C1orf141: variants seen among roughly 807,000 people sequenced by gnomAD.
C1orf141 encodes the protein uncharacterized protein C1orf141.
In C1orf141, 19 loss-of-function variants were observed where a neutral mutation model predicts 23.2. The observed-to-expected ratio is 0.82, with a 90% CI of 0.57 to 1.20. The LOEUF (loss-of-function observed/expected upper bound fraction) is 1.20. Among genes scored for constraint, C1orf141 ranks in the 50% most tolerant of loss-of-function variants. C1orf141 has a pLI of 0.00. For missense variants in C1orf141, 469 were observed against 455.1 expected, an observed-to-expected ratio of 1.03 and a Z score of -0.28; for synonymous variants, 153 against 154.6, an observed-to-expected ratio of 0.99 and a Z score of 0.08.
At chr1:67,120,596 A>G (rs1646278858) in intron 4 of C1orf141, among the ~76,000 whole-genome samples, 1 of 151,920 alleles carries the variant, frequency 6.6e-6, no homozygotes, top group South Asian at 2.1e-4. Context: ...CATGATTGGG[A>G]TTAGTGCCCT....
intron 7 of C1orf141, chr1:67,094,996 A>T (rs750907590): frequency 2.4e-6 from 1 of 417,322 alleles, no homozygotes; most frequent in Non-Finnish European, 4.2e-6. Flanking sequence ...TAATCAAGCA[A>T]ATTTGATAAA....
At chr1:67,136,155 C>G (rs1017258363), upstream of C1orf141, among the ~76,000 whole-genome samples, 2 of 152,132 alleles carry the variant, frequency 1.3e-5, no homozygotes, top group African/African-American at 4.8e-5. Flanking sequence ...ACCTCAGCCT[C>G]CCTAGTAGCT....
rs187133274 is a variant in C1orf141 at position 67,130,936 on chromosome 1, T to C, written c.-18+206A>G. 3.8e-3 allele frequency among the ~76,000 whole-genome samples: 580 copies of C among 152,336 alleles called. 4 individuals are homozygous for C. The highest frequency in any genetic ancestry group is 0.013 in the African/African-American group (558 of 41,574). Reference sequence around the variant, plus strand: ...AAAAAGTGGAGGTGAGGAAACACTATAGATTAACTTGCTTGCTTTCATCAT... The same window carrying C: ...AAAAAGTGGAGGTGAGGAAACACTACAGATTAACTTGCTTGCTTTCATCAT... On this transcript the variant is annotated intron_variant, in intron 2 of 7. Transcript: ENST00000684719.
chr1:67,124,426 C>T lies in C1orf141; in HGVS notation c.233+1326G>A, dbSNP rs910450532. On this transcript the variant is annotated intron_variant, in intron 4 of 7. Transcript: ENST00000684719. ...CTCCCGAGTTCAAGCAATTCTCATG[C>T]CTCAGCCTCCCAAGTAGCTGGGACT... is the stretch of plus-strand genomic sequence containing the variant. Among the ~76,000 whole-genome samples the T allele has an allele frequency of 2.0e-5, 3 of 152,150 alleles. No individual in the cohort carries two copies. The South Asian group carries it at 6.2e-4, about 32-fold the overall frequency.
At chr1:67,099,855 T>C (rs1289506326) in intron 5 of C1orf141, among the ~76,000 whole-genome samples, 2 of 152,218 alleles carry the variant, frequency 1.3e-5, no homozygotes, top group Non-Finnish European at 2.9e-5. Flanking sequence ...AACTACTATG[T>C]ATTTAATTGG....
upstream of C1orf141, among the ~76,000 whole-genome samples, chr1:67,138,421 G>A (rs1646604086): frequency 6.6e-6 from 1 of 152,152 alleles, no homozygotes; most frequent in South Asian, 2.1e-4. Flanking sequence ...TTTTACTTCT[G>A]GCTCTTTGAA....
rs1182410466 is a variant in C1orf141, at chr1:67,102,067, T to C, written c.347-5746A>G. On this transcript the variant is annotated intron_variant, in intron 5 of 7. Transcript: ENST00000684719. Reference sequence around the variant, plus strand: ...ATCTTTCCTGGCTCAATAGAGTAAATCCTGAGTAATCTAAGCTGTGTTTTT... The same window carrying C: ...ATCTTTCCTGGCTCAATAGAGTAAACCCTGAGTAATCTAAGCTGTGTTTTT... Among the ~76,000 whole-genome samples the C allele has an allele frequency of 2.0e-5, 3 of 152,114 alleles. No individual in the cohort carries two copies. In the East Asian group the frequency reaches 5.8e-4, roughly 29 times the overall value.
intron 4 of C1orf141, among the ~76,000 whole-genome samples, chr1:67,118,369 T>C (rs141059243): frequency 2.0e-5 from 3 of 152,276 alleles, no homozygotes; most frequent in Non-Finnish European, 2.9e-5. Context: ...CTTTTCTCAA[T>C]GTGGGAGGGG....
At chr1:67,117,401 T>A (rs1646215673) in intron 4 of C1orf141, among the ~76,000 whole-genome samples, 1 of 152,182 alleles carries the variant, frequency 6.6e-6, no homozygotes, top group South Asian at 2.1e-4. Context: ...CCAGCCTGGG[T>A]GACAGAGAGA....
At chr1:67,099,560 ACCTGAGGACAGGAGTTTGAGAGCAG>A (rs1247068985) in intron 5 of C1orf141, among the ~76,000 whole-genome samples, 1 of 152,188 alleles carries the variant, frequency 6.6e-6, no homozygotes, top group African/African-American at 2.4e-5. Flanking sequence ...CAGGTGGATC[ACCTGAGGACAGGAGTTTGAGAGCAG>A]CCTGACCAAT....
chr1:67,113,300 G>A (rs1401235737), intron 5 of C1orf141, among the ~76,000 whole-genome samples: 1 of 151,958 alleles, frequency 6.6e-6, no homozygotes, highest in Non-Finnish European at 1.5e-5. Flanking sequence ...TTTAAATGAA[G>A]GCCAGGGAGG....
In C1orf141 at chr1:67,113,814, C is replaced by T. The variant is rs1646131790; in HGVS notation, c.346+1538G>A. The T allele has an allele frequency of 2.7e-5, 19 of 701,464 alleles. No individual in the cohort carries two copies. The South Asian group carries it at 2.8e-4, about 10-fold the overall frequency. 43.5% of individuals were successfully genotyped at this position (701,464 alleles called of 1,614,324 possible). A position where few individuals can be genotyped will look rare whatever the true frequency, so the allele number is the denominator to read the frequency against. On this transcript the variant is annotated intron_variant, in intron 5 of 7. Transcript: ENST00000684719. Reference sequence around the variant, plus strand: ...GATTTTTGCTACCATTATGGAAGGCCAGGTGATTAGTAACAGCCCTCCTGC... The same window carrying T: ...GATTTTTGCTACCATTATGGAAGGCTAGGTGATTAGTAACAGCCCTCCTGC...
chr1:67,113,199 T>C (rs8179343), intron 5 of C1orf141, among the ~76,000 whole-genome samples: 135,533 of 151,960 alleles, frequency 0.89, 60,675 homozygotes, highest in East Asian at 0.97. Flanking sequence ...AGGCTGGTCT[T>C]GAGCTCCTGA....
upstream of C1orf141, among the ~76,000 whole-genome samples, chr1:67,135,906 CAAAAAAA>C (rs59519661): frequency 1.6e-5 from 1 of 62,620 alleles, no homozygotes; most frequent in African/African-American, 7.6e-5. Flanking sequence ...GGCAAAACTG[CAAAAAAA>C]AAAAAAAAAA....
At chr1:67,137,217 A>G (rs1194190874), upstream of C1orf141, among the ~76,000 whole-genome samples, 2 of 152,216 alleles carry the variant, frequency 1.3e-5, no homozygotes, top group Non-Finnish European at 2.9e-5. Context: ...AGAAAGACTC[A>G]CAGACCTTAC....
chr1:67,116,879 C>G (rs1252009653), intron 4 of C1orf141, among the ~76,000 whole-genome samples: 2 of 152,156 alleles, frequency 1.3e-5, no homozygotes, highest in African/African-American at 4.8e-5. Context: ...TTCCAGCCCA[C>G]CCCACTTCCC....
At chr1:67,137,520 T>C (rs576579176), upstream of C1orf141, among the ~76,000 whole-genome samples, 5 of 152,288 alleles carry the variant, frequency 3.3e-5, no homozygotes, top group East Asian at 9.6e-4. Flanking sequence ...TTAATCTCTA[T>C]CTCCAAGTTG....
intron 5 of C1orf141, among the ~76,000 whole-genome samples, chr1:67,100,342 CA>C (rs1015446913): frequency 1.3e-5 from 2 of 152,078 alleles, no homozygotes; most frequent in African/African-American, 2.4e-5. Context: ...TTTCAGATTT[CA>C]ATTTGGTTTA....
intron 5 of C1orf141, chr1:67,113,876 A>G: frequency 2.7e-6 from 1 of 375,962 alleles, no homozygotes; most frequent in Non-Finnish European, 5.1e-6. Context: ...AATATTTTTT[A>G]AAGTCTAAAG....
Sources: gnomAD v4.1 joint callset for allele counts (sites outside exome capture counted in the v4.1 genomes callset) on GRCh38, gnomAD v4.1.1 for gene constraint, MANE v1.5 for transcripts, NCBI Gene and HGNC (gene_info 2026-07-23, HGNC 2026-07-21) for gene names.